Variants in ERBIN observed in about 807,000 individuals in gnomAD.
ERBIN encodes densin-180-like protein.
In ERBIN, 60 loss-of-function variants were observed where a neutral mutation model predicts 158.4. The observed-to-expected ratio is 0.38, with a 90% CI of 0.31 to 0.47. ERBIN has a LOEUF of 0.47. Ranked by LOEUF, ERBIN falls within the 20% of genes least tolerant of loss-of-function variation. ERBIN has a pLI of 0.99. For missense variants in ERBIN, 1,610 were observed against 1,648.0 expected, an observed-to-expected ratio of 0.98 and a Z score of 0.40; for synonymous variants, 594 against 557.2, an observed-to-expected ratio of 1.07 and a Z score of -0.93.
intron 1 of ERBIN, among the ~76,000 whole-genome samples, chr5:65,934,011 C>G (rs1171492145): frequency 6.6e-6 from 1 of 152,104 alleles, no homozygotes; most frequent in Non-Finnish European, 1.5e-5. Flanking sequence ...GTTCTCCTGC[C>G]TCAGCCTCCC....
At chr5:66,076,831 T>A in intron 24 of ERBIN, 44 bp from the exon 25 acceptor site, 1 of 1,418,874 alleles carries the variant, frequency 7.0e-7, no homozygotes, top group East Asian at 2.3e-5. Context: ...CTCTGTTATT[T>A]ATACATACTG....
intron 12 of ERBIN, 113 bp downstream of exon 12, chr5:66,026,090 T>C (rs1365429896): frequency 6.0e-6 from 6 of 993,418 alleles, no homozygotes; most frequent in African/African-American, 1.7e-5. Flanking sequence ...AGTTTTCAAG[T>C]TATTTATTTT....
chr5:66,059,217 C>T (rs1336058183), intron 21 of ERBIN, among the ~76,000 whole-genome samples: 4 of 152,158 alleles, frequency 2.6e-5, no homozygotes, highest in Non-Finnish European at 5.9e-5. Context: ...TTTCATTGAG[C>T]AGTGGTTTGT....
At chr5:65,996,941 A>G (rs1239253314) in intron 4 of ERBIN, among the ~76,000 whole-genome samples, 1 of 152,118 alleles carries the variant, frequency 6.6e-6, no homozygotes, top group Non-Finnish European at 1.5e-5. Flanking sequence ...TGTTGTTAAT[A>G]TGTAAAAATG....
chr5:66,001,574 T>C (rs1448082949), intron 4 of ERBIN, among the ~76,000 whole-genome samples: 1 of 152,206 alleles, frequency 6.6e-6, no homozygotes, highest in Non-Finnish European at 1.5e-5. Flanking sequence ...AACTGGGGAC[T>C]TAATCTAAAT....
Position 66,081,496 on chromosome 5 carries a change from T to C in ERBIN, c.*2966T>C, listed in dbSNP as rs1762383367. 6.6e-6 allele frequency: 1 copy of C among 152,158 alleles called. No homozygotes were observed. The highest frequency in any genetic ancestry group is 1.5e-5 in the Non-Finnish European group (1 of 67,984). The allele number at this position is 152,158 out of a possible 1,614,324, so 9.4% of individuals were successfully genotyped here. A position where few individuals can be genotyped will look rare whatever the true frequency, so the allele number is the denominator to read the frequency against. On this transcript the variant is annotated 3_prime_UTR_variant, in exon 26 of 26. Coordinates refer to ENST00000284037, the MANE Select transcript of ERBIN (RefSeq NM_001253697.2). ...CAACCAACATTTATTCATTCCAAAT[T>C]TTTGTATATATCTAGATGAAGTAAC...
chr5:65,957,867 G>T (rs1488405102), intron 1 of ERBIN, among the ~76,000 whole-genome samples: 2 of 151,426 alleles, frequency 1.3e-5, no homozygotes, highest in African/African-American at 4.9e-5. Flanking sequence ...AGACGGGGCG[G>T]CTGCCGGGCG....
chr5:66,073,607 A>G (rs566233039), intron 22 of ERBIN, among the ~76,000 whole-genome samples: 1 of 152,190 alleles, frequency 6.6e-6, no homozygotes, highest in Non-Finnish European at 1.5e-5. Context: ...TCTATACCAA[A>G]GCTAAACTAC....
At chr5:66,061,951 A>T (rs1023640852) in intron 21 of ERBIN, among the ~76,000 whole-genome samples, 1 of 152,206 alleles carries the variant, frequency 6.6e-6, no homozygotes, top group Non-Finnish European at 1.5e-5. Flanking sequence ...GGGTAACCCA[A>T]CCTTTCTCTC....
At position 66,080,519 on chromosome 5, in the gene ERBIN, C is replaced by A. The variant is rs958228399; in HGVS notation, c.*1989C>A. ...GACAAACAGCTTCTTTAAGACAAGT[C>A]TCGGTGTTCCCTTTATTCTTAGTTT... On this transcript the variant is annotated 3_prime_UTR_variant, in exon 26 of 26. Transcript: ENST00000284037. 6.6e-6 allele frequency: 1 copy of A among 151,184 alleles called. No individual in the cohort carries two copies. The allele number at this position is 151,184 out of a possible 1,614,324, so 9.4% of individuals were successfully genotyped here. A position where few individuals can be genotyped will look rare whatever the true frequency, so the allele number is the denominator to read the frequency against.
chr5:66,040,036 G>C (rs192016555), intron 15 of ERBIN, among the ~76,000 whole-genome samples: 1 of 151,956 alleles, frequency 6.6e-6, no homozygotes, highest in East Asian at 1.9e-4. Context: ...ACTAGTTCTG[G>C]AATACAAGAG....
intron 1 of ERBIN, among the ~76,000 whole-genome samples, chr5:65,955,350 C>T (rs1482708521): frequency 6.6e-6 from 1 of 152,070 alleles, no homozygotes; most frequent in Non-Finnish European, 1.5e-5. Flanking sequence ...CTCTGAGGGG[C>T]CGGGGATGGT....
chr5:65,977,726 G>A (rs1284326234), intron 1 of ERBIN, among the ~76,000 whole-genome samples: 13 of 150,848 alleles, frequency 8.6e-5, no homozygotes, highest in Admixed American at 2.6e-4. Flanking sequence ...GCGGCCAGGC[G>A]GAGACGCTCC....
intron 1 of ERBIN, among the ~76,000 whole-genome samples, chr5:65,979,399 C>T (rs1750396428): frequency 1.3e-5 from 2 of 152,082 alleles, no homozygotes; most frequent in Admixed American, 1.3e-4. Context: ...TGCACTTCAG[C>T]CTGGGTGACT....
chr5:66,047,444 G>C lies in ERBIN; in HGVS notation c.1788+906G>C, dbSNP rs543632818. On this transcript the variant is annotated intron_variant, in intron 18 of 25. Transcript: ENST00000284037. ...AGTCTGCAGTGAATTTTTGTGTACA[G>C]GTTTTTGTGTGGATATATATTTTCA... is the stretch of plus-strand genomic sequence containing the variant. Among the ~76,000 whole-genome samples the C allele has an allele frequency of 1.8e-3, 268 of 151,998 alleles. 1 individual carries two copies. The highest frequency in any genetic ancestry group is 3.3e-3 in the Non-Finnish European group (225 of 67,882).
chr5:65,939,347 G>A (rs1744487568), intron 1 of ERBIN, among the ~76,000 whole-genome samples: 1 of 152,158 alleles, frequency 6.6e-6, no homozygotes, highest in South Asian at 2.1e-4. Flanking sequence ...TGAGGCAGAA[G>A]AATTGCTTGA....
At chr5:65,930,567 C>T (rs1463343439) in intron 1 of ERBIN, among the ~76,000 whole-genome samples, 1 of 152,252 alleles carries the variant, frequency 6.6e-6, no homozygotes, top group Non-Finnish European at 1.5e-5. Context: ...CTCGGCCTCT[C>T]AAAGTGCTGG....
Position 66,054,396 on chromosome 5 carries a change from C to T in ERBIN, c.3078C>T (p.Ala1026=), listed in dbSNP as rs541292799. The change falls in exon 21 of 26, where the codon GCC becomes GCT. Residue 1026 remains alanine (A), a synonymous_variant. Transcript: ENST00000284037. ...TENQSYAKHS[A]NMNFSNHNNV... The stretch of plus-strand genomic sequence containing the variant: ...ATCAAAGTTATGCTAAACATTCTGC[C>T]AATATGAATTTCTCTAATCATAACA... 9.9e-6 allele frequency: 16 copies of T among 1,614,082 alleles called. No homozygotes were observed. The highest frequency in any genetic ancestry group is 8.0e-5 in the African/African-American group (6 of 74,998).
chr5:66,046,255 A>T (rs1360836189), intron 17 of ERBIN, 98 bp from the exon 18 acceptor site: 1 of 647,390 alleles, frequency 1.5e-6, no homozygotes, highest in Non-Finnish European at 2.4e-6. Flanking sequence ...TTAGTCCAGA[A>T]TTGGAAGTTG....
Sources: gnomAD v4.1 joint callset for allele counts (sites outside exome capture counted in the v4.1 genomes callset) on GRCh38, gnomAD v4.1.1 for gene constraint, MANE v1.5 for transcripts, NCBI Gene and HGNC (gene_info 2026-07-23, HGNC 2026-07-21) for gene names.